Variants in PHACTR1 observed in about 807,000 individuals in gnomAD.
The protein encoded by PHACTR1 is phosphatase and actin regulator 1, also known as RPEL repeat containing 1.
A neutral mutation model predicts 69.2 loss-of-function variants in PHACTR1; 16 were observed. The observed-to-expected ratio is 0.23, with a 90% confidence interval of 0.16 to 0.35. The LOEUF (loss-of-function observed/expected upper bound fraction) is 0.35. Ranked by LOEUF, PHACTR1 falls within the 10% of genes least tolerant of loss-of-function variation. The pLI is 1.00. For missense variants in PHACTR1, 510 were observed against 734.7 expected (o/e 0.69, Z 3.54); for synonymous variants, 312 against 284.5 (o/e 1.10, Z -0.97).
At chr6:13,271,619 T>C (rs1293496434) in intron 10 of PHACTR1, among the ~76,000 whole-genome samples, 1 of 152,190 alleles carries the variant, frequency 6.6e-6, no homozygotes, top group Admixed American at 6.5e-5. Context: ...TCCCATATCC[T>C]TTAAATCATC....
intron 3 of PHACTR1, among the ~76,000 whole-genome samples, chr6:12,733,079 C>G (rs749634417): frequency 6.6e-6 from 1 of 152,174 alleles, no homozygotes; most frequent in Non-Finnish European, 1.5e-5. Context: ...TTTTTATGTT[C>G]TTTCCCCTCC....
chr6:12,965,568 C>T (rs749202936), intron 4 of PHACTR1, among the ~76,000 whole-genome samples: 7 of 150,838 alleles, frequency 4.6e-5, no homozygotes, highest in Non-Finnish European at 8.8e-5. Context: ...GAAGCTGTGA[C>T]GAGCTTTATG....
At chr6:13,170,745 C>T (rs1330626078) in intron 6 of PHACTR1, among the ~76,000 whole-genome samples, 1 of 152,194 alleles carries the variant, frequency 6.6e-6, no homozygotes, top group East Asian at 1.9e-4. Context: ...GTGGAAGATA[C>T]AGGGCATCTT....
At chr6:12,832,553 T>A (rs1777698436) in intron 4 of PHACTR1, among the ~76,000 whole-genome samples, 1 of 152,064 alleles carries the variant, frequency 6.6e-6, no homozygotes, top group Non-Finnish European at 1.5e-5. Flanking sequence ...AACCTGGCCT[T>A]GGTAACTGGG....
At chr6:12,768,925 C>T (rs1410336178) in intron 4 of PHACTR1, among the ~76,000 whole-genome samples, 2 of 151,752 alleles carry the variant, frequency 1.3e-5, no homozygotes, top group South Asian at 4.2e-4. Context: ...GATGGGCAAA[C>T]TCGGAGGACA....
At chr6:12,885,999 G>A (rs1194970079) in intron 4 of PHACTR1, among the ~76,000 whole-genome samples, 2 of 152,210 alleles carry the variant, frequency 1.3e-5, no homozygotes, top group East Asian at 1.9e-4. Flanking sequence ...GGAGGCTGAG[G>A]CAGGAGAATG....
chr6:12,879,942 A>C (rs1049902936), intron 4 of PHACTR1, among the ~76,000 whole-genome samples: 12 of 152,162 alleles, frequency 7.9e-5, no homozygotes, highest in African/African-American at 2.7e-4. Context: ...ATATCTAATA[A>C]TTTGAATAGA....
intron 10 of PHACTR1, among the ~76,000 whole-genome samples, chr6:13,271,719 C>T (rs73725652): frequency 0.022 from 3,298 of 150,716 alleles, 106 homozygotes; most frequent in African/African-American, 0.074. Context: ...TAATATTTTC[C>T]GTCAGCAGTT....
chr6:13,109,328 A>T (rs149884258), intron 5 of PHACTR1, among the ~76,000 whole-genome samples: 1 of 152,034 alleles, frequency 6.6e-6, no homozygotes, highest in Non-Finnish European at 1.5e-5. Context: ...GTGCAGGCCT[A>T]CTAATGATAA....
chr6:12,955,380 T>A (rs549451659), intron 4 of PHACTR1, among the ~76,000 whole-genome samples: 173 of 151,922 alleles, frequency 1.1e-3, no homozygotes, highest in Middle Eastern at 3.4e-3. Context: ...TTAAAAAAAA[T>A]TTTTTATAGC....
intron 10 of PHACTR1, chr6:13,265,070 C>G (rs1290928997): frequency 6.6e-6 from 1 of 151,926 alleles, no homozygotes; most frequent in East Asian, 1.9e-4. Flanking sequence ...AAAATTCCAC[C>G]ACAGCCTCCT....
At chr6:13,284,105 T>A (rs1261386477) in intron 13 of PHACTR1, among the ~76,000 whole-genome samples, 1 of 152,210 alleles carries the variant, frequency 6.6e-6, no homozygotes, top group Non-Finnish European at 1.5e-5. Context: ...GTGATGCCAA[T>A]GAGAAATCAT....
At chr6:12,885,363 G>A (rs1783537385) in intron 4 of PHACTR1, among the ~76,000 whole-genome samples, 1 of 152,180 alleles carries the variant, frequency 6.6e-6, no homozygotes, top group Non-Finnish European at 1.5e-5. Context: ...TATTAACGTG[G>A]GTTTTCCTGT....
intron 4 of PHACTR1, among the ~76,000 whole-genome samples, chr6:12,973,010 C>T (rs1794421534): frequency 6.6e-6 from 1 of 152,220 alleles, no homozygotes; most frequent in Non-Finnish European, 1.5e-5. Context: ...CTTTGGGCCT[C>T]TTGCATTCCT....
chr6:12,808,018 T>C (rs925183447), intron 4 of PHACTR1, among the ~76,000 whole-genome samples: 8 of 152,216 alleles, frequency 5.3e-5, no homozygotes, highest in Non-Finnish European at 8.8e-5. Context: ...GAGATTGAAT[T>C]TTCCACTTAG....
rs1342366461 is a variant in PHACTR1 at position 13,275,480 on chromosome 6, T to C, written c.1447+2565T>C. On this transcript the variant is annotated intron_variant, in intron 11 of 14. Coordinates refer to ENST00000332995, the MANE Select transcript of PHACTR1 (RefSeq NM_030948.6). The surrounding 1 kb of genome is among the most constrained non-coding windows in gnomAD (Gnocchi z 4.0). ...CTCAGAGTGACCTAAGAAACGCACATAGGAGATGAAGGCTCCATGCTGTGT... is the reference window on the plus strand; with the variant it reads ...CTCAGAGTGACCTAAGAAACGCACACAGGAGATGAAGGCTCCATGCTGTGT... 3 of 152,112 alleles carry C rather than the reference T, an allele frequency of 2.0e-5. No homozygotes were observed. Among genetic ancestry groups the C allele is most frequent in the African/African-American group, 7.2e-5 (3 of 41,398 alleles). 9.4% of individuals were successfully genotyped at this position (152,112 alleles called of 1,614,324 possible).
chr6:13,202,649 G>T (rs559985039), intron 7 of PHACTR1, among the ~76,000 whole-genome samples: 2 of 152,108 alleles, frequency 1.3e-5, no homozygotes, highest in Non-Finnish European at 2.9e-5. Context: ...AGCTAATTTT[G>T]TATTTTTAGT....
intron 4 of PHACTR1, among the ~76,000 whole-genome samples, chr6:12,869,301 C>T (rs1561962870): frequency 6.6e-6 from 1 of 152,170 alleles, no homozygotes; most frequent in Non-Finnish European, 1.5e-5. Flanking sequence ...CCCCTAGCAC[C>T]ACCTGCCTAC....
At chr6:12,865,499 A>G (rs1781369057) in intron 4 of PHACTR1, among the ~76,000 whole-genome samples, 1 of 151,398 alleles carries the variant, frequency 6.6e-6, no homozygotes, top group Non-Finnish European at 1.5e-5. Flanking sequence ...TGTGTAGACA[A>G]TCCTTCATCC....
Sources: gnomAD v4.1 joint callset for allele counts (sites outside exome capture counted in the v4.1 genomes callset) on GRCh38, gnomAD v4.1.1 for gene constraint, Gnocchi (gnomAD v3.1) non-coding constraint, MANE v1.5 for transcripts, NCBI Gene and HGNC (gene_info 2026-07-23, HGNC 2026-07-21) for gene names.